The following PRSS3 variants were observed in gnomAD, a reference collection of about 807,000 sequenced individuals.
PRSS3 encodes the protein trypsin-3.
A neutral mutation model predicts 20.8 loss-of-function variants in PRSS3; 14 were observed. The ratio of observed to expected loss-of-function variants is 0.67; its 90% CI spans 0.44 to 1.05. The LOEUF is 1.05. PRSS3 is among the 50% of genes least tolerant of loss of function. The probability of loss-of-function intolerance (pLI) is 0.00; values close to 1 mark genes in which losing one functional copy is unlikely to be tolerated. For synonymous variants in PRSS3, 91 were observed against 117.6 expected, an observed-to-expected ratio of 0.77 and a Z score of 1.46; for missense variants, 237 against 306.4, an observed-to-expected ratio of 0.77 and a Z score of 1.69.
intron 1 of PRSS3, among the ~76,000 whole-genome samples, chr9:33,777,531 C>CAAAAAAAAAAAAAAAAAAAA (rs74180503): frequency 2.0e-5 from 2 of 101,860 alleles, no homozygotes; most frequent in Non-Finnish European, 1.9e-5. Context: ...CTAAAAATAC[C>CAAAAAAAAAAAAAAAAAAAA]AAAAAAAAAA....
chr9:33,761,226 C>T (rs10971688), intron 1 of PRSS3, among the ~76,000 whole-genome samples: 1 of 152,024 alleles, frequency 6.6e-6, no homozygotes, highest in Admixed American at 6.5e-5. Context: ...CTAGGCTATG[C>T]GGTGTATACT....
At chr9:33,775,700 GT>G (rs34447292) in intron 1 of PRSS3, among the ~76,000 whole-genome samples, 164 of 128,684 alleles carry the variant, frequency 1.3e-3, no homozygotes, top group Admixed American at 3.0e-3. Flanking sequence ...TGGGCTTGAA[GT>G]TTTTTTTTTT....
intron 1 of PRSS3, among the ~76,000 whole-genome samples, chr9:33,755,146 G>A (rs562096915): frequency 2.6e-5 from 4 of 152,280 alleles, no homozygotes; most frequent in Admixed American, 1.3e-4. Flanking sequence ...GAGGGCAGGT[G>A]GTTGCGGGAA....
Position 33,797,938 on chromosome 9 carries a change from C to G in PRSS3, c.310C>G (p.Leu104Val). The stretch of plus-strand genomic sequence containing the variant: ...CCACCCTAAATACAACAGGGACACT[C>G]TGGACAATGACATCATGCTGATCAA... ...IRHPKYNRDT[L>V]DNDIMLIKLS... is the part of the protein sequence containing the mutation. Residue 104 changes from leucine to valine, a missense_variant, in exon 3 of 5, where the codon CTG (leucine) becomes GTG (valine). Leu to Val is a conservative substitution (Grantham distance 32). Coordinates refer to ENST00000379405, the MANE Select transcript of PRSS3 (RefSeq NM_002771.4). 6.2e-7 allele frequency: 1 copy of G among 1,614,270 alleles called. No homozygotes were observed. The highest frequency in any genetic ancestry group is 2.2e-5 in the East Asian group (1 of 44,890).
intron 1 of PRSS3, among the ~76,000 whole-genome samples, chr9:33,763,110 C>G (rs1023306288): frequency 2.0e-5 from 3 of 152,188 alleles, no homozygotes; most frequent in African/African-American, 2.4e-5. Context: ...TATTATGTGA[C>G]TATATTCCTC....
At chr9:33,758,011 C>T (rs1464485139) in intron 1 of PRSS3, among the ~76,000 whole-genome samples, 1 of 152,192 alleles carries the variant, frequency 6.6e-6, no homozygotes, top group Non-Finnish European at 1.5e-5. Context: ...TTATCACCAA[C>T]CACCCTGCAT....
At chr9:33,798,958 T>C (rs2119151217) in intron 4 of PRSS3, 70 bp from the exon 5 acceptor site, 1 of 1,574,508 alleles carries the variant, frequency 6.4e-7, no homozygotes, top group Middle Eastern at 2.0e-4. Context: ...TCTTTTAAGG[T>C]TCACAGTAAA....
Position 33,776,572 on chromosome 9 carries a change from C to A in PRSS3, c.-52-18174C>A, listed in dbSNP as rs536410907. On this transcript the variant is annotated intron_variant, in intron 1 of 5. Coordinates refer to the PRSS3 transcript ENST00000342836. The stretch of plus-strand genomic sequence containing the variant: ...ACAGAATTGAAATCACAGAAATAAA[C>A]CCACTCATATAAGGTTAACTAATCT... 8.5e-5 allele frequency among the ~76,000 whole-genome samples: 13 copies of A among 152,218 alleles called. No individual in the cohort carries two copies. The South Asian group carries it at 2.7e-3, about 32-fold the overall frequency.
intron 1 of PRSS3, among the ~76,000 whole-genome samples, chr9:33,780,808 A>G (rs1411202232): frequency 1.3e-5 from 2 of 152,256 alleles, no homozygotes; most frequent in Non-Finnish European, 2.9e-5. Context: ...ATAATGATAA[A>G]GAGTACAATC....
At chr9:33,779,456 T>C (rs1668781304) in intron 1 of PRSS3, among the ~76,000 whole-genome samples, 2 of 152,184 alleles carry the variant, frequency 1.3e-5, no homozygotes, top group Admixed American at 1.3e-4. Context: ...CTGCTGTAAA[T>C]TCTGCTGTAA....
chr9:33,779,758 A>G (rs556436535), intron 1 of PRSS3, among the ~76,000 whole-genome samples: 1 of 149,972 alleles, frequency 6.7e-6, no homozygotes, highest in South Asian at 2.1e-4. Flanking sequence ...AATCCCAGCT[A>G]CTCGGGAGGC....
chr9:33,791,732 G>C (rs1300574353), upstream of PRSS3, among the ~76,000 whole-genome samples: 1 of 152,180 alleles, frequency 6.6e-6, no homozygotes, highest in Non-Finnish European at 1.5e-5. Flanking sequence ...AATGTGAACA[G>C]AAAGACTCAC....
rs115376518 is a variant in PRSS3, at chr9:33,782,362, G to A, written c.-52-12384G>A. On this transcript the variant is annotated intron_variant, in intron 1 of 5. Transcript: ENST00000342836. ...CCTTTTGGGCTTGTTGCTTTAATTG[G>A]CTCACTACCTGGGTGCAATATACCC... 3.9e-3 allele frequency among the ~76,000 whole-genome samples: 601 copies of A among 152,180 alleles called. 3 individuals carry two copies. The highest frequency in any genetic ancestry group is 0.013 in the African/African-American group (557 of 41,500).
chr9:33,775,498 G>A (rs1237679339), intron 1 of PRSS3, among the ~76,000 whole-genome samples: 7 of 152,158 alleles, frequency 4.6e-5, no homozygotes, highest in East Asian at 1.9e-4. Context: ...TTTAACAGGC[G>A]GATTCTGGAA....
At chr9:33,766,531 C>T (rs1189054103) in intron 1 of PRSS3, among the ~76,000 whole-genome samples, 3 of 151,914 alleles carry the variant, frequency 2.0e-5, no homozygotes, top group African/African-American at 7.3e-5. Context: ...AGAGATCGCA[C>T]CACTGCGCTC....
chr9:33,764,147 A>G (rs1482087678), intron 1 of PRSS3, among the ~76,000 whole-genome samples: 1 of 152,236 alleles, frequency 6.6e-6, no homozygotes, highest in Non-Finnish European at 1.5e-5. Context: ...GGGAAAAAGA[A>G]TAGTCTTATT....
At chr9:33,756,727 T>C (rs1433831492) in intron 1 of PRSS3, among the ~76,000 whole-genome samples, 1 of 152,250 alleles carries the variant, frequency 6.6e-6, no homozygotes, top group East Asian at 1.9e-4. Flanking sequence ...TTTTACAGTA[T>C]CCTGTTCTCA....
intron 1 of PRSS3, among the ~76,000 whole-genome samples, chr9:33,768,605 C>G (rs1357145504): frequency 6.6e-6 from 1 of 152,042 alleles, no homozygotes; most frequent in Non-Finnish European, 1.5e-5. Flanking sequence ...ACCTGTAATC[C>G]CAGCACTCTG....
chr9:33,791,589 C>T (rs1363313090), upstream of PRSS3, among the ~76,000 whole-genome samples: 2 of 152,154 alleles, frequency 1.3e-5, no homozygotes, highest in African/African-American at 2.4e-5. Context: ...CTAGATGTTA[C>T]AATCATAAGA....
Sources: gnomAD v4.1 joint callset for allele counts (sites outside exome capture counted in the v4.1 genomes callset) on GRCh38, gnomAD v4.1.1 for gene constraint, MANE v1.5 for transcripts, NCBI Gene and HGNC (gene_info 2026-07-23, HGNC 2026-07-21) for gene names.